The following XKR9 variants were observed in gnomAD, a reference collection of about 807,000 sequenced individuals.
The protein encoded by XKR9 is XK-related protein 9.
In XKR9, 32 loss-of-function variants were observed where a neutral mutation model predicts 32.0. The ratio of observed to expected loss-of-function variants is 1.00; its 90% CI spans 0.76 to 1.34. XKR9 has a LOEUF of 1.34. XKR9 is among the 40% of genes most tolerant of loss of function. The probability of loss-of-function intolerance (pLI) is 0.00; values close to 1 mark genes in which losing one functional copy is unlikely to be tolerated. For missense variants in XKR9, 546 were observed against 429.7 expected (o/e 1.27, Z -2.39); for synonymous variants, 168 against 143.4 (o/e 1.17, Z -1.22).
the XKR9 span, among the ~76,000 whole-genome samples, chr8:70,819,100 C>G: frequency 6.6e-6 from 1 of 152,198 alleles, no homozygotes; most frequent in Admixed American, 6.5e-5. Context: ...AGAAAGAGAG[C>G]TGGTTGCACA....
the XKR9 span, among the ~76,000 whole-genome samples, chr8:70,959,458 T>C: frequency 6.6e-6 from 1 of 152,240 alleles, no homozygotes; most frequent in Non-Finnish European, 1.5e-5. Flanking sequence ...CTTTTAGCTA[T>C]TGATGGACAC....
intron 3 of XKR9, among the ~76,000 whole-genome samples, chr8:70,694,781 A>G (rs1369693798): frequency 6.6e-6 from 1 of 152,206 alleles, no homozygotes. Flanking sequence ...GTTGCTGTTC[A>G]GCCCCATAGA....
At chr8:70,955,700 G>A in the XKR9 span, among the ~76,000 whole-genome samples, 4 of 152,196 alleles carry the variant, frequency 2.6e-5, no homozygotes, top group African/African-American at 9.6e-5. Context: ...CTGGCAGGCT[G>A]TGCTTGGCTC....
the XKR9 span, among the ~76,000 whole-genome samples, chr8:70,827,130 C>T: frequency 2.6e-5 from 4 of 152,074 alleles, 1 homozygote; most frequent in Admixed American, 2.0e-4. Context: ...CTCTGTGGAA[C>T]ATAAAACTCT....
At chr8:71,002,120 C>T in the XKR9 span, among the ~76,000 whole-genome samples, 8 of 152,014 alleles carry the variant, frequency 5.3e-5, no homozygotes, top group East Asian at 3.9e-4. Flanking sequence ...ATCATGAGGT[C>T]GTAAGAGAAA....
chr8:70,898,718 A>T, the XKR9 span, among the ~76,000 whole-genome samples: 73 of 151,442 alleles, frequency 4.8e-4, no homozygotes, highest in South Asian at 3.1e-3. Flanking sequence ...AAAATGTGTT[A>T]CTGTTTTATA....
intron 3 of XKR9, among the ~76,000 whole-genome samples, chr8:70,688,947 A>G (rs1203706782): frequency 6.6e-6 from 1 of 152,218 alleles, no homozygotes; most frequent in East Asian, 1.9e-4. Context: ...TGAAATGGGG[A>G]AAGCCTTTGT....
At chr8:70,961,980 T>C in the XKR9 span, among the ~76,000 whole-genome samples, 1 of 152,194 alleles carries the variant, frequency 6.6e-6, no homozygotes, top group South Asian at 2.1e-4. Flanking sequence ...AAAAAATTAT[T>C]TTGGGGTAAA....
At chr8:71,025,245 G>A in the XKR9 span, among the ~76,000 whole-genome samples, 1 of 152,126 alleles carries the variant, frequency 6.6e-6, no homozygotes, top group Non-Finnish European at 1.5e-5. Flanking sequence ...TAGCTTGACA[G>A]GCAACTCTCA....
At chr8:71,007,545 T>C in the XKR9 span, among the ~76,000 whole-genome samples, 1 of 151,894 alleles carries the variant, frequency 6.6e-6, no homozygotes. Flanking sequence ...AGAAAACTAA[T>C]AGAAGGGTAA....
At chr8:70,886,958 C>A in the XKR9 span, among the ~76,000 whole-genome samples, 2 of 152,158 alleles carry the variant, frequency 1.3e-5, no homozygotes, top group Non-Finnish European at 1.5e-5. Flanking sequence ...GAAATCTTCG[C>A]TTATGCCTAT....
chr8:70,755,750 T>C (rs1222870651), intron 2 of XKR9, among the ~76,000 whole-genome samples: 1 of 99,526 alleles, frequency 1.0e-5, no homozygotes, highest in Admixed American at 1.4e-4. Context: ...CACACTCTGG[T>C]GACTGTTGTG....
the XKR9 span, among the ~76,000 whole-genome samples, chr8:70,832,427 G>C: frequency 6.6e-6 from 1 of 152,194 alleles, no homozygotes; most frequent in Non-Finnish European, 1.5e-5. Context: ...AGAAAAATAT[G>C]AAAGGAGCTG....
At chr8:70,744,434 C>T in intron 2 of XKR9, among the ~76,000 whole-genome samples, 1 of 152,224 alleles carries the variant, frequency 6.6e-6, no homozygotes, top group East Asian at 1.9e-4. Context: ...TTATTATCAT[C>T]ACTACCCTTT....
intron 2 of XKR9, among the ~76,000 whole-genome samples, chr8:70,769,115 G>C (rs941348563): frequency 6.6e-6 from 1 of 152,044 alleles, no homozygotes; most frequent in Admixed American, 6.6e-5. Flanking sequence ...CTCTTGTAAG[G>C]CAGGCCTGGT....
intron 2 of XKR9, among the ~76,000 whole-genome samples, chr8:70,779,588 C>A (rs1203487225): frequency 6.6e-6 from 1 of 151,974 alleles, no homozygotes; most frequent in Non-Finnish European, 1.5e-5. Context: ...TGGACCTGGG[C>A]TTTTTTTGGT....
At chr8:71,037,866 T>C in the XKR9 span, among the ~76,000 whole-genome samples, 2 of 152,186 alleles carry the variant, frequency 1.3e-5, no homozygotes, top group African/African-American at 4.8e-5. Flanking sequence ...CCTGGATAGA[T>C]TTGAAGCTCA....
the XKR9 span, among the ~76,000 whole-genome samples, chr8:71,001,543 C>T: frequency 6.6e-6 from 1 of 152,154 alleles, no homozygotes; most frequent in African/African-American, 2.4e-5. Flanking sequence ...TATTTTGCTT[C>T]TATGTTTATA....
chr8:70,726,589 A>G (rs981472658), intron 4 of XKR9, among the ~76,000 whole-genome samples: 8 of 152,212 alleles, frequency 5.3e-5, no homozygotes, highest in Non-Finnish European at 8.8e-5. Flanking sequence ...GTAACAGGAG[A>G]TGAAACATGG....
Sources: allele counts gnomAD v4.1 joint callset (sites outside exome capture counted in the v4.1 genomes callset), GRCh38; gene constraint gnomAD v4.1.1; transcripts MANE v1.5; gene names NCBI Gene and HGNC (gene_info 2026-07-23, HGNC 2026-07-21).